SYNE2: variants seen among roughly 807,000 people sequenced by gnomAD.
SYNE2 encodes the protein nesprin-2.
A neutral mutation model predicts 856.3 loss-of-function variants in SYNE2; 431 were observed. That is an observed-to-expected ratio of 0.50 (90% CI 0.47 to 0.55). The LOEUF is 0.55. Ranked by LOEUF, SYNE2 falls within the 20% of genes least tolerant of loss-of-function variation. The pLI, the probability that SYNE2 is intolerant of heterozygous loss-of-function variation, is 0.00. For missense variants in SYNE2, 8,129 were observed against 8,023.2 expected, an observed-to-expected ratio of 1.01 and a Z score of -0.50; for synonymous variants, 2,923 against 2,872.3, an observed-to-expected ratio of 1.02 and a Z score of -0.56.
At chr14:64,080,837 C>G (rs1316015524) in intron 56 of SYNE2, among the ~76,000 whole-genome samples, 199 bp downstream of exon 56, 1 of 152,106 alleles carries the variant, frequency 6.6e-6, no homozygotes, top group African/African-American at 2.4e-5. Context: ...ATTGGGCAGA[C>G]AGAACCAAGA....
At position 64,101,994 on chromosome 14, in the gene SYNE2, G is replaced by A. The variant is rs2097733827; in HGVS notation, c.12444G>A (p.Lys4148=). 6.2e-7 allele frequency: 1 copy of A among 1,614,102 alleles called. No homozygotes were observed. The highest frequency in any genetic ancestry group is 1.3e-5 in the African/African-American group (1 of 75,046). ...QSWSSLWKHD[K]DMEEDRASSS... is the part of the protein sequence containing the mutation. The stretch of plus-strand genomic sequence containing the variant: ...GGTCTTCACTTTGGAAGCATGACAA[G>A]GACATGGAAGAAGACAGAGCTTCCT... The change falls in exon 64 of 116, where the codon AAG becomes AAA. Residue 4148 remains lysine, a synonymous_variant. Coordinates refer to ENST00000555002, the MANE Select transcript of SYNE2 (RefSeq NM_182914.3).
intron 27 of SYNE2, among the ~76,000 whole-genome samples, chr14:64,000,212 TAAG>T (rs943488378): frequency 1.3e-5 from 2 of 152,228 alleles, no homozygotes; most frequent in Admixed American, 1.3e-4. Flanking sequence ...GTTTAGAAGG[TAAG>T]AAAGATTTCC....
rs1595788553 is a variant in SYNE2, at chr14:63,944,325, CATG to C, written c.408+2186_408+2188del. 2.1e-5 allele frequency among the ~76,000 whole-genome samples: 3 copies of C among 146,070 alleles called. No individual in the cohort carries two copies. In the East Asian group the frequency reaches 5.9e-4, roughly 29 times the overall value. On this transcript the variant is annotated intron_variant, in intron 6 of 115. Transcript: ENST00000555002. ...ATATATATAAATAAATAAATGGAGG[CATG>C]ATGTTTGTTGTAAAGTACTATATTT...
At chr14:64,177,669 TTG>T (rs1291446245) in intron 96 of SYNE2, among the ~76,000 whole-genome samples, 186 bp downstream of exon 96, 1 of 152,220 alleles carries the variant, frequency 6.6e-6, no homozygotes, top group East Asian at 1.9e-4. Context: ...TTTACGATTG[TTG>T]TTTGAAGACG....
In SYNE2 at chr14:63,977,907, C is replaced by A. The variant is rs35554503; in HGVS notation, c.1296C>A (p.Ser432Arg). 5,598 of 1,607,958 alleles carry A rather than the reference C, an allele frequency of 3.5e-3. 186 individuals are homozygous for A. In the African/African-American group the frequency reaches 0.065, roughly 19 times the overall value. ...LIQEKMTLFK[S>R]LMDRFEHHSN... ...TGTCATGCTGAATTTCTTTTCAGAG[C>A]CTGATGGATAGATTTGAGCATCATT... The change falls in exon 13 of 116, where the codon AGC becomes AGA. Residue 432 changes from serine (S) to arginine (R), a missense_variant and splice_region_variant. Physicochemically the swap from Ser to Arg is moderately radical, Grantham distance 110 (BLOSUM62 -1). Transcript: ENST00000555002.
chr14:63,894,766 C>T (rs1009459411), intron 1 of SYNE2, among the ~76,000 whole-genome samples: 10 of 152,186 alleles, frequency 6.6e-5, no homozygotes, highest in Non-Finnish European at 1.2e-4. Context: ...TTATGGCCCT[C>T]ACTACGTTCT....
At chr14:63,908,652 C>A (rs1201987505) in intron 1 of SYNE2, among the ~76,000 whole-genome samples, 1 of 151,958 alleles carries the variant, frequency 6.6e-6, no homozygotes, top group Non-Finnish European at 1.5e-5. Context: ...TTATTGTTTC[C>A]AGTAAATGGC....
At chr14:63,771,260 CG>C (rs1886897817) in intron 1 of SYNE2, among the ~76,000 whole-genome samples, 1 of 151,500 alleles carries the variant, frequency 6.6e-6, no homozygotes, top group South Asian at 2.1e-4. Flanking sequence ...TTAGTAGAGA[CG>C]GGGTTTCACC....
At chr14:64,186,675 C>T in intron 97 of SYNE2, 96 bp downstream of exon 97, 5 of 1,555,990 alleles carry the variant, frequency 3.2e-6, no homozygotes, top group East Asian at 2.2e-5. Context: ...TTCATTGAAC[C>T]GGAGGCCCTT....
chr14:64,194,000 A>T (rs1356906245), intron 99 of SYNE2, among the ~76,000 whole-genome samples: 1 of 152,170 alleles, frequency 6.6e-6, no homozygotes, highest in African/African-American at 2.4e-5. Context: ...GTGTGGGTAT[A>T]AAGAGGCCTG....
chr14:63,923,097 C>A (rs2095620431), intron 2 of SYNE2, among the ~76,000 whole-genome samples: 1 of 152,164 alleles, frequency 6.6e-6, no homozygotes, highest in African/African-American at 2.4e-5. Flanking sequence ...TAAATGTAGT[C>A]ATTTCTTTAT....
intron 7 of SYNE2, among the ~76,000 whole-genome samples, chr14:63,954,432 A>T (rs1237319700): frequency 1.3e-5 from 2 of 152,182 alleles, no homozygotes; most frequent in Non-Finnish European, 2.9e-5. Flanking sequence ...TTGATTCAGT[A>T]GGTATGGGAT....
chr14:63,975,017 T>C (rs1295177576), intron 11 of SYNE2, among the ~76,000 whole-genome samples: 1 of 150,208 alleles, frequency 6.7e-6, no homozygotes, highest in African/African-American at 2.4e-5. Flanking sequence ...GTGACGTCAC[T>C]TAACACACTT....
In SYNE2 at chr14:63,949,938, A is replaced by G. The variant is rs375807543; in HGVS notation, c.522A>G (p.Lys174=). 9 of 1,614,042 alleles carry G rather than the reference A, an allele frequency of 5.6e-6. No homozygotes were observed. In the African/African-American group the frequency reaches 1.2e-4, roughly 22 times the overall value. Residue 174 remains lysine, a synonymous_variant, in exon 7 of 116, where the codon AAA becomes AAG. Transcript: ENST00000555002. ...ASSPPAKKCS[K]VQARWQMSAR... ...GTCCTCCAGCTAAGAAATGCTCTAA[A>G]GTGCAAGCAAGATGGCAAATGTCTG...
intron 6 of SYNE2, among the ~76,000 whole-genome samples, chr14:63,948,225 C>T: frequency 6.6e-6 from 1 of 151,264 alleles, no homozygotes; most frequent in Non-Finnish European, 1.5e-5. Flanking sequence ...ATTAGGATTG[C>T]ATGGCATATA....
chr14:63,880,967 C>A (rs1428493192), intron 1 of SYNE2, among the ~76,000 whole-genome samples: 1 of 151,906 alleles, frequency 6.6e-6, no homozygotes, highest in East Asian at 1.9e-4. Flanking sequence ...TGTGCCTCAG[C>A]CTCTCGAGTA....
At chr14:64,008,604 T>C (rs2096819208) in intron 31 of SYNE2, among the ~76,000 whole-genome samples, 1 of 152,220 alleles carries the variant, frequency 6.6e-6, no homozygotes, top group South Asian at 2.1e-4. Flanking sequence ...ATATGATTGC[T>C]TGTGTGTCCA....
chr14:63,809,371 T>C (rs556270933), intron 1 of SYNE2, among the ~76,000 whole-genome samples: 13 of 152,336 alleles, frequency 8.5e-5, no homozygotes, highest in African/African-American at 2.4e-4. Flanking sequence ...TTCACAAATG[T>C]GTAAGCTTCT....
rs377600533 is a variant in SYNE2, at chr14:63,898,860, A to G, written c.-51-10238A>G. Reference sequence around the variant, plus strand: ...AAGTTTTCTTTTAAAACTTTGTTCAATATACATATAACATAAAGTTTATCA... The same window carrying G: ...AAGTTTTCTTTTAAAACTTTGTTCAGTATACATATAACATAAAGTTTATCA... On this transcript the variant is annotated intron_variant, in intron 1 of 115. Coordinates refer to ENST00000555002, the MANE Select transcript of SYNE2 (RefSeq NM_182914.3). 2.0e-4 allele frequency among the ~76,000 whole-genome samples: 31 copies of G among 152,338 alleles called. No individual in the cohort carries two copies. In the East Asian group the frequency reaches 5.8e-3, roughly 28 times the overall value.
Sources: gnomAD v4.1 joint callset for allele counts (sites outside exome capture counted in the v4.1 genomes callset) on GRCh38, gnomAD v4.1.1 for gene constraint, MANE v1.5 for transcripts, NCBI Gene and HGNC (gene_info 2026-07-23, HGNC 2026-07-21) for gene names.